Variants in MAP3K10 observed in about 807,000 individuals in gnomAD.
The protein encoded by MAP3K10 is mitogen-activated protein kinase kinase kinase 10.
MAP3K10 carries 22 observed loss-of-function variants against 75.0 expected under a neutral mutation model. The ratio of observed to expected loss-of-function variants is 0.29; its 90% CI spans 0.21 to 0.42. The LOEUF (loss-of-function observed/expected upper bound fraction) is 0.42, where lower values mean the gene tolerates loss of function less well. Ranked by LOEUF, MAP3K10 falls within the 10% of genes least tolerant of loss-of-function variation. The pLI, the probability that MAP3K10 is intolerant of heterozygous loss-of-function variation, is 1.00. For missense variants in MAP3K10, 1,165 were observed against 1,379.8 expected, an observed-to-expected ratio of 0.84 and a Z score of 2.47; for synonymous variants, 599 against 612.9, an observed-to-expected ratio of 0.98 and a Z score of 0.34.
At position 40,205,351 on chromosome 19, in the gene MAP3K10, C is replaced by T. The variant is rs1599908197; in HGVS notation, c.1188+55C>T. On this transcript the variant is annotated intron_variant, in intron 4 of 9. Transcript: ENST00000253055. This position sits in a 1 kb window ranked among gnomAD's most constrained non-coding sequence, Gnocchi z 4.3. ...GGAGCAAGACCCCTGAGTTCTGATGCCTTGGGCTGCTCAGAGACTCCTCCC... is the reference window on the plus strand; with the variant it reads ...GGAGCAAGACCCCTGAGTTCTGATGTCTTGGGCTGCTCAGAGACTCCTCCC... 1 of 1,578,996 alleles carries T rather than the reference C, an allele frequency of 6.3e-7. No homozygotes were observed. The highest frequency in any genetic ancestry group is 1.1e-5 in the South Asian group (1 of 88,642).
At position 40,198,993 on chromosome 19, in the gene MAP3K10, G is replaced by T. The variant is rs1463057805; in HGVS notation, c.863+438G>T. Among the ~76,000 whole-genome samples, 1 of 152,204 alleles carries T rather than the reference G, an allele frequency of 6.6e-6. No homozygotes were observed. Among genetic ancestry groups the T allele is most frequent in the Non-Finnish European group, 1.5e-5 (1 of 68,036 alleles). ...TGAGGCAGGAGAATCACTTGAGGCC[G>T]GGAGGCAGAGATTGCAGTGGGCTGG... On this transcript the variant is annotated intron_variant, in intron 2 of 9. Transcript: ENST00000253055. The surrounding 1 kb of genome is among the most constrained non-coding windows in gnomAD (Gnocchi z 4.3).
At position 40,214,980 on chromosome 19, in the gene MAP3K10, CCTT is replaced by C. The variant is rs1973323663; in HGVS notation, c.2556_2558del (p.Leu853del). ...AACCTCTCTTACCAGGCCCTCGTGA[CCTT>C]CTGGACTTCCCCCGCCTGCCCGACC... On this transcript the variant is annotated inframe_deletion, in exon 10 of 10. Transcript: ENST00000253055. 6.4e-7 allele frequency: 1 copy of C among 1,562,832 alleles called. No homozygotes were observed. The highest frequency in any genetic ancestry group is 8.7e-7 in the Non-Finnish European group (1 of 1,143,236).
Position 40,214,003 on chromosome 19 carries a change from C to CCCCCCCA in MAP3K10, c.2327_2328insCCCACCC (p.Ser779ThrfsTer75). On this transcript the variant is annotated frameshift_variant, in exon 9 of 10. Coordinates refer to ENST00000253055, the MANE Select transcript of MAP3K10 (RefSeq NM_002446.4). LOFTEE classifies it high-confidence loss of function. ...GACGAGGCCGCACCGGCCGCGCCCT[C>CCCCCCCA]CCCACCACCCTCCCCGCCCGCGCCC... 4 of 1,439,940 alleles carry CCCCCCCA rather than the reference C, an allele frequency of 2.8e-6. No individual in the cohort carries two copies. The highest frequency in any genetic ancestry group is 2.8e-5 in the East Asian group (1 of 35,920). The allele number at this position is 1,439,940 out of a possible 1,614,324, so 89.2% of individuals were successfully genotyped here.
chr19:40,210,783 C>T (rs146629861), intron 6 of MAP3K10, among the ~76,000 whole-genome samples: 4 of 152,088 alleles, frequency 2.6e-5, no homozygotes, highest in Non-Finnish European at 4.4e-5. Context: ...TGGATATCCA[C>T]GCTCATGCAG....
Position 40,212,852 on chromosome 19 carries a change from G to A in MAP3K10, c.1600G>A (p.Gly534Arg). ...CAGCAGCAGTGGCAGCAGCAGTGGA[G>A]GAAGTGGGACATGGAGCCGCGGTGG... ...GGSSSGSSSG[G>R]SGTWSRGGPP... The change falls in exon 7 of 10, where the codon GGA (glycine) becomes AGA (arginine). Residue 534 changes from glycine (G) to arginine (R), a missense_variant. By Grantham distance (125) the Gly-to-Arg change is moderately radical. Coordinates refer to ENST00000253055, the MANE Select transcript of MAP3K10 (RefSeq NM_002446.4). The surrounding 1 kb of genome is among the most constrained non-coding windows in gnomAD (Gnocchi z 4.2). 1 of 1,607,944 alleles carries A rather than the reference G, an allele frequency of 6.2e-7. No homozygotes were observed. The highest frequency in any genetic ancestry group is 8.5e-7 in the Non-Finnish European group (1 of 1,177,830).
In MAP3K10 at chr19:40,204,543, G is replaced by A. The variant is rs1195695117; in HGVS notation, c.922G>A (p.Ala308Thr). ...GGAGGTCCCCTACCGTGAGATCGAC[G>A]CCTTGGCCGTGGCGTATGGCGTGGC... ...TGEVPYREID[A>T]LAVAYGVAMN... Residue 308 changes from alanine to threonine, a missense_variant, in exon 3 of 10, where the codon GCC becomes ACC. This residue lies in a region of MAP3K10 where 575 missense variants were observed against 793.2 expected (regional missense o/e 0.72). Transcript: ENST00000253055. This position sits in a 1 kb window ranked among gnomAD's most constrained non-coding sequence, Gnocchi z 4.3. 2.5e-6 allele frequency: 4 copies of A among 1,613,920 alleles called. No homozygotes were observed. Among genetic ancestry groups the A allele is most frequent in the Admixed American group, 1.7e-5 (1 of 59,992 alleles).
Position 40,213,554 on chromosome 19 carries a change from G to T in MAP3K10, c.1875G>T (p.Val625=). The part of the protein sequence containing the change: ...FAEAEDGGSS[V]PPSPYSTPSY... ...AGGCAGAGGATGGAGGCAGCAGCGT[G>T]CCCCCTTCCCCCTACTCGACCCCGT... The change falls in exon 9 of 10, where the codon GTG becomes GTT. Residue 625 remains valine, a synonymous_variant. Coordinates refer to ENST00000253055, the MANE Select transcript of MAP3K10 (RefSeq NM_002446.4). This position sits in a 1 kb window ranked among gnomAD's most constrained non-coding sequence, Gnocchi z 5.7. 6.2e-7 allele frequency: 1 copy of T among 1,611,608 alleles called. No individual in the cohort carries two copies. The highest frequency in any genetic ancestry group is 8.5e-7 in the Non-Finnish European group (1 of 1,179,222).
At position 40,212,179 on chromosome 19, in the gene MAP3K10, A is replaced by G. The variant is rs1270678588; in HGVS notation, c.1553-626A>G. On this transcript the variant is annotated intron_variant, in intron 6 of 9. Transcript: ENST00000253055. The surrounding 1 kb of genome is among the most constrained non-coding windows in gnomAD (Gnocchi z 4.2). ...GATGGAGGCCAGGCCAGGGTGGGGG[A>G]CTTGGAAGGGACAGATGTCCACAGT... Among the ~76,000 whole-genome samples the G allele has an allele frequency of 6.6e-6, 1 of 152,120 alleles. No individual in the cohort carries two copies. Among genetic ancestry groups the G allele is most frequent in the Admixed American group, 6.5e-5 (1 of 15,274 alleles).
intron 1 of MAP3K10, among the ~76,000 whole-genome samples, chr19:40,195,207 T>G (rs897725197): frequency 6.6e-6 from 1 of 152,078 alleles, no homozygotes; most frequent in African/African-American, 2.4e-5. Context: ...GGTATTTTAT[T>G]TGATGTAGTG....
Position 40,214,996 on chromosome 19 carries a change from C to A in MAP3K10, c.2569C>A (p.Arg857Ser). Residue 857 changes from arginine to serine, a missense_variant, in exon 10 of 10, where the codon CGC becomes AGC. By Grantham distance (110) the Arg-to-Ser change is moderately radical. This residue lies in a region of MAP3K10 where 590 missense variants were observed against 586.6 expected (regional missense o/e 1.01). Transcript: ENST00000253055. ...CCCTCGTGACCTTCTGGACTTCCCC[C>A]GCCTGCCCGACCCCCAGGCCCTGTT... ...PGPRDLLDFP[R>S]LPDPQALFPA... 6.3e-7 allele frequency: 1 copy of A among 1,585,898 alleles called. No individual in the cohort carries two copies. Among genetic ancestry groups the A allele is most frequent in the Non-Finnish European group, 8.6e-7 (1 of 1,162,078 alleles).
intron 6 of MAP3K10, 79 bp downstream of exon 6, chr19:40,209,298 C>A: frequency 1.9e-6 from 2 of 1,073,814 alleles, no homozygotes; most frequent in Non-Finnish European, 2.8e-6. Context: ...TACCTGGCAC[C>A]AAGCCAGAGT....
intron 1 of MAP3K10, among the ~76,000 whole-genome samples, chr19:40,196,588 G>A (rs997531401): frequency 5.3e-5 from 8 of 151,992 alleles, no homozygotes; most frequent in South Asian, 2.1e-4. Context: ...GCACGATCTC[G>A]GCTCACTGCA....
In MAP3K10 at chr19:40,213,342, T is replaced by C. The variant is rs1973276633; in HGVS notation, c.1837+154T>C. 4 of 1,448,920 alleles carry C rather than the reference T, an allele frequency of 2.8e-6. No homozygotes were observed. The highest frequency in any genetic ancestry group is 3.6e-6 in the Non-Finnish European group (4 of 1,105,750). The allele number at this position is 1,448,920 out of a possible 1,614,324, so 89.8% of individuals were successfully genotyped here. ...TGGCCCCTGGGGCGTGGGGGGTCATTTCCAGGGGCAGGGACCACCCTTCTC... is the reference window on the plus strand; with the variant it reads ...TGGCCCCTGGGGCGTGGGGGGTCATCTCCAGGGGCAGGGACCACCCTTCTC... On this transcript the variant is annotated intron_variant, in intron 8 of 9. Transcript: ENST00000253055. The surrounding 1 kb of genome is among the most constrained non-coding windows in gnomAD (Gnocchi z 5.7).
intron 5 of MAP3K10, among the ~76,000 whole-genome samples, chr19:40,207,716 CAA>C (rs1169449908): frequency 1.3e-5 from 2 of 152,104 alleles, no homozygotes; most frequent in Admixed American, 6.6e-5. Flanking sequence ...GCCTGGGCGA[CAA>C]GAGCAAAACT....
intron 6 of MAP3K10, among the ~76,000 whole-genome samples, chr19:40,210,301 G>A (rs541034131): frequency 2.0e-5 from 3 of 151,428 alleles, no homozygotes; most frequent in South Asian, 2.1e-4. Flanking sequence ...AGAAATAGAT[G>A]TATTATGAGG....
In MAP3K10 at chr19:40,213,914, C is replaced by G; in HGVS notation, c.2235C>G (p.Thr745=). ...GPGLGLAPSA[T]LVSLSSVSDC... ...GCCTGGGCCTGGCGCCCTCGGCCAC[C>G]CTCGTGTCGCTGTCGTCCGTGTCCG... The change falls in exon 9 of 10, where the codon ACC becomes ACG. Residue 745 remains threonine (T), a synonymous_variant. Coordinates refer to ENST00000253055, the MANE Select transcript of MAP3K10 (RefSeq NM_002446.4). The surrounding 1 kb of genome is among the most constrained non-coding windows in gnomAD (Gnocchi z 5.7). 1 of 1,517,514 alleles carries G rather than the reference C, an allele frequency of 6.6e-7. No homozygotes were observed. Among genetic ancestry groups the G allele is most frequent in the Non-Finnish European group, 8.8e-7 (1 of 1,140,326 alleles). The allele number at this position is 1,517,514 out of a possible 1,614,324, so 94.0% of individuals were successfully genotyped here. A position where few individuals can be genotyped will look rare whatever the true frequency, so the allele number is the denominator to read the frequency against.
intron 9 of MAP3K10, 144 bp downstream of exon 9, chr19:40,214,365 C>T: frequency 1.9e-6 from 2 of 1,059,408 alleles, no homozygotes; most frequent in Non-Finnish European, 1.3e-6. Flanking sequence ...CCCTTTACCG[C>T]TCACTCCTGG....
At position 40,192,528 on chromosome 19, in the gene MAP3K10, A is replaced by C. The variant is rs1319597105; in HGVS notation, c.497A>C (p.Asn166Thr). Reference protein sequence around the residue: ...NIIALRGACLNPPHLCLVMEY... With the variant: ...NIIALRGACLTPPHLCLVMEY... ...ATTGCCCTTAGGGGCGCCTGCCTCA[A>C]CCCCCCACACCTCTGCCTAGTGATG... Residue 166 changes from asparagine (N) to threonine (T), a missense_variant, in exon 1 of 10, where the codon AAC (asparagine) becomes ACC (threonine). Transcript: ENST00000253055. The surrounding 1 kb of genome is among the most constrained non-coding windows in gnomAD (Gnocchi z 7.1). 6.2e-7 allele frequency: 1 copy of C among 1,613,058 alleles called. No individual in the cohort carries two copies. Among genetic ancestry groups the C allele is most frequent in the Non-Finnish European group, 8.5e-7 (1 of 1,179,882 alleles).
chr19:40,204,453 C>T lies in MAP3K10; in HGVS notation c.864-32C>T, dbSNP rs368834170. 81 of 1,599,126 alleles carry T rather than the reference C, an allele frequency of 5.1e-5. No homozygotes were observed. Among genetic ancestry groups the T allele is most frequent in the Admixed American group, 2.7e-4 (16 of 59,608 alleles). On this transcript the variant is annotated intron_variant, in intron 2 of 9. Coordinates refer to ENST00000253055, the MANE Select transcript of MAP3K10 (RefSeq NM_002446.4). This position sits in a 1 kb window ranked among gnomAD's most constrained non-coding sequence, Gnocchi z 4.3. ...TATAGGTGAGGATTGGGGTGGGCTGCGACATCACCCCTCCCTCTCCCCTGC... is the reference window on the plus strand; with the variant it reads ...TATAGGTGAGGATTGGGGTGGGCTGTGACATCACCCCTCCCTCTCCCCTGC...
Sources: gnomAD v4.1 joint callset for allele counts (sites outside exome capture counted in the v4.1 genomes callset) on GRCh38, gnomAD v4.1.1 for gene constraint, gnomAD v4.1.1 regional missense constraint, Gnocchi (gnomAD v3.1) non-coding constraint, MANE v1.5 for transcripts, NCBI Gene and HGNC (gene_info 2026-07-23, HGNC 2026-07-21) for gene names.